Variants in MYO1A observed in about 807,000 individuals in gnomAD.
MYO1A encodes the protein unconventional myosin-Ia.
A neutral mutation model predicts 138.5 loss-of-function variants in MYO1A; 127 were observed. That is an observed-to-expected ratio of 0.92 (90% confidence interval 0.79 to 1.06). MYO1A has a LOEUF of 1.06. Ranked by LOEUF, MYO1A falls within the 50% of genes least tolerant of loss-of-function variation. The pLI, the probability that MYO1A is intolerant of heterozygous loss-of-function variation, is 0.00. For missense variants in MYO1A, 1,211 were observed against 1,288.8 expected (o/e 0.94, Z 0.92); for synonymous variants, 477 against 497.5 (o/e 0.96, Z 0.55).
intron 23 of MYO1A, 148 bp downstream of exon 23, chr12:57,030,892 C>A (rs1161252769): frequency 2.0e-6 from 2 of 1,015,818 alleles, no homozygotes; most frequent in East Asian, 2.6e-5. Flanking sequence ...TACACTTAAA[C>A]ACCGTTAAAA....
upstream of MYO1A, chr12:57,051,033 G>C (rs1205404180): frequency 6.6e-6 from 1 of 152,206 alleles, no homozygotes; most frequent in Admixed American, 6.5e-5. Context: ...TAGATAAGAA[G>C]TACCCCTTCA....
chr12:57,046,458 G>A (rs1335880707), intron 8 of MYO1A, 94 bp downstream of exon 8: 2 of 935,434 alleles, frequency 2.1e-6, no homozygotes, highest in Admixed American at 1.7e-5. Context: ...GGGCTGTAGG[G>A]GCCCAGAGGG....
intron 17 of MYO1A, 41 bp from the exon 18 acceptor site, chr12:57,038,110 C>T: frequency 6.2e-7 from 1 of 1,602,034 alleles, no homozygotes; most frequent in Non-Finnish European, 8.5e-7. Flanking sequence ...CAGGAGCTGA[C>T]ATCATTGCCA....
At position 57,028,651 on chromosome 12, in the gene MYO1A, C is replaced by A. The variant is rs1303915863; in HGVS notation, c.*104G>T. 1 of 1,490,172 alleles carries A rather than the reference C, an allele frequency of 6.7e-7. No individual in the cohort carries two copies. Among genetic ancestry groups the A allele is most frequent in the South Asian group, 1.3e-5 (1 of 79,180 alleles). The allele number at this position is 1,490,172 out of a possible 1,614,324, so 92.3% of individuals were successfully genotyped here. A position where few individuals can be genotyped will look rare whatever the true frequency, so the allele number is the denominator to read the frequency against. On this transcript the variant is annotated 3_prime_UTR_variant, in exon 28 of 28. Transcript: ENST00000300119. The stretch of plus-strand genomic sequence containing the variant: ...AGGGTAGTTTAATCCCCAAGCCATG[C>A]GCCACGATCAGAGGGGTTAGAGATC...
At chr12:57,049,017 C>T (rs1390776762) in intron 1 of MYO1A, among the ~76,000 whole-genome samples, 1 of 152,208 alleles carries the variant, frequency 6.6e-6, no homozygotes, top group Non-Finnish European at 1.5e-5. Flanking sequence ...TTTGCTTCCC[C>T]AACAAACAGG....
At position 57,046,604 on chromosome 12, in the gene MYO1A, C is replaced by A. The variant is rs1276414495; in HGVS notation, c.588G>T (p.Arg196Ser). Reference protein sequence around the residue: ...SRLVKQLKGERNFHIFYQLLA... With the variant: ...SRLVKQLKGESNFHIFYQLLA... ...GCAGCTGATAGAAGATGTGGAAGTT[C>A]CTTTCTCCTTTGAGCTGCTTCACTA... Residue 196 changes from arginine to serine, a missense_variant, in exon 8 of 28, where the codon AGG becomes AGT. Coordinates refer to ENST00000300119, the MANE Select transcript of MYO1A (RefSeq NM_005379.4). 1.9e-6 allele frequency: 3 copies of A among 1,614,078 alleles called. No homozygotes were observed. The highest frequency in any genetic ancestry group is 3.3e-5 in the Admixed American group (2 of 60,018).
At chr12:57,038,220 A>G in intron 17 of MYO1A, 151 bp from the exon 18 acceptor site, 6 of 1,111,384 alleles carry the variant, frequency 5.4e-6, no homozygotes, top group South Asian at 2.6e-5. Flanking sequence ...ACTCACTTCT[A>G]TGTATTCCCT....
At position 57,031,054 on chromosome 12, in the gene MYO1A, A is replaced by C. The variant is rs1419629708; in HGVS notation, c.2470T>G (p.Phe824Val). 6.2e-7 allele frequency: 1 copy of C among 1,614,040 alleles called. No individual in the cohort carries two copies. Among genetic ancestry groups the C allele is most frequent in the Admixed American group, 1.7e-5 (1 of 60,014 alleles). ...GCTCCACTTGCCTTCCACTGGTAGA[A>C]GAGCTGCTGCAGCTCCTGATTTGCT... ...STANQELQQLFYQWKCKRFRD... is the reference protein window; with the variant it reads ...STANQELQQLVYQWKCKRFRD... Residue 824 changes from phenylalanine to valine, a missense_variant, in exon 23 of 28, where the codon TTC becomes GTC. Coordinates refer to ENST00000300119, the MANE Select transcript of MYO1A (RefSeq NM_005379.4).
intron 8 of MYO1A, among the ~76,000 whole-genome samples, chr12:57,044,806 G>A (rs1467138946): frequency 6.6e-6 from 1 of 152,126 alleles, no homozygotes; most frequent in Non-Finnish European, 1.5e-5. Flanking sequence ...CCTACCCTCA[G>A]GGTTCTAAAC....
At chr12:57,040,950 CTT>C (rs2030829061) in intron 14 of MYO1A, among the ~76,000 whole-genome samples, 1 of 152,216 alleles carries the variant, frequency 6.6e-6, no homozygotes, top group Non-Finnish European at 1.5e-5. Context: ...TCACTTCCCT[CTT>C]GTCAGGACTT....
At chr12:57,047,921 G>T (rs2031183963) in intron 3 of MYO1A, 68 bp downstream of exon 3, 1 of 1,580,750 alleles carries the variant, frequency 6.3e-7, no homozygotes, top group Non-Finnish European at 8.6e-7. Flanking sequence ...AAGGGACAAA[G>T]GAAATTAGGA....
rs1156572371 is a variant in MYO1A, at chr12:57,037,917, T to C, written c.1913A>G (p.Tyr638Cys). 1 of 1,614,160 alleles carries C rather than the reference T, an allele frequency of 6.2e-7. No individual in the cohort carries two copies. Residue 638 changes from tyrosine to cysteine, a missense_variant, in exon 18 of 28, where the codon TAC (tyrosine) becomes TGC (cysteine). Transcript: ENST00000300119. ...RQGYGPFLERYRLLSRSTWPH... is the reference protein window; with the variant it reads ...RQGYGPFLERCRLLSRSTWPH... Reference sequence around the variant, plus strand: ...CCAGGTGCTCCGGCTCAGCAATCGGTACCTTTCCAGGAAGGGCCCATAACC... The same window carrying C: ...CCAGGTGCTCCGGCTCAGCAATCGGCACCTTTCCAGGAAGGGCCCATAACC...
At chr12:57,031,390 G>A (rs2136435375) in intron 22 of MYO1A, among the ~76,000 whole-genome samples, 1 of 152,308 alleles carries the variant, frequency 6.6e-6, no homozygotes, top group Non-Finnish European at 1.5e-5. Context: ...ATAGGAGACT[G>A]GAGGGAGAGA....
chr12:57,030,011 G>T, intron 24 of MYO1A, 139 bp from the exon 25 acceptor site: 1 of 1,444,498 alleles, frequency 6.9e-7, no homozygotes, highest in Non-Finnish European at 9.6e-7. Flanking sequence ...CACAGTCCAG[G>T]ACCAAGACAT....
Position 57,043,500 on chromosome 12 carries a change from G to C in MYO1A, c.893-142C>G, listed in dbSNP as rs193189731. ...AGTCATTGCAGCCAACCCAGAACAT[G>C]GCCCTGGAGGAATCTCAGGGAGTTG... On this transcript the variant is annotated intron_variant, in intron 10 of 27. Transcript: ENST00000300119. 1,256 of 818,938 alleles carry C rather than the reference G, an allele frequency of 1.5e-3. 1 individual carries two copies. Among genetic ancestry groups the C allele is most frequent in the Non-Finnish European group, 2.3e-3 (1,101 of 481,728 alleles). 50.7% of individuals were successfully genotyped at this position (818,938 alleles called of 1,614,324 possible).
At chr12:57,038,747 C>T (rs2030711836) in intron 16 of MYO1A, 62 bp downstream of exon 16, 3 of 1,610,300 alleles carry the variant, frequency 1.9e-6, no homozygotes, top group Non-Finnish European at 2.5e-6. Flanking sequence ...CCGGGTTCCT[C>T]CCCCATTGAC....
Position 57,038,826 on chromosome 12 carries a change from A to C in MYO1A, c.1516T>G (p.Cys506Gly), listed in dbSNP as rs1458676559. ...CATTTCACCTTGCCCGCATAGTGGCAGATGCGGAAGCAGCTGAGGCCCATG... is the reference window on the plus strand; with the variant it reads ...CATTTCACCTTGCCCGCATAGTGGCCGATGCGGAAGCAGCTGAGGCCCATG... ...HTMGLSCFRI[C>G]HYAGKVTYNV... Residue 506 changes from cysteine to glycine, a missense_variant, in exon 16 of 28, where the codon TGC becomes GGC. Physicochemically the swap from Cys to Gly is radical, Grantham distance 159. Transcript: ENST00000300119. 1 of 1,614,194 alleles carries C rather than the reference A, an allele frequency of 6.2e-7. No homozygotes were observed. The highest frequency in any genetic ancestry group is 1.3e-5 in the African/African-American group (1 of 75,042).
At position 57,037,948 on chromosome 12, in the gene MYO1A, G is replaced by A. The variant is rs151187460; in HGVS notation, c.1882C>T (p.Arg628Cys). The A allele has an allele frequency of 1.5e-4, 239 of 1,614,158 alleles. 2 individuals carry two copies. The Admixed American group carries it at 3.2e-3, about 22-fold the overall frequency. Residue 628 changes from arginine to cysteine, a missense_variant, in exon 18 of 28, where the codon CGC (arginine) becomes TGC (cysteine). By Grantham distance (180) the Arg-to-Cys change is radical (BLOSUM62 -3). Transcript: ENST00000300119. ...TCCAGGAAGGGCCCATAACCCTGGC[G>A]GTGGGCATAGCCTGCCCGTCGCACC... ...VRVRRAGYAH[R>C]QGYGPFLERY...
In MYO1A at chr12:57,028,657, G is replaced by T; in HGVS notation, c.*98C>A. On this transcript the variant is annotated 3_prime_UTR_variant, in exon 28 of 28. Coordinates refer to ENST00000300119, the MANE Select transcript of MYO1A (RefSeq NM_005379.4). ...GTTTAATCCCCAAGCCATGCGCCAC[G>T]ATCAGAGGGGTTAGAGATCCTCCCA... 2 of 1,523,742 alleles carry T rather than the reference G, an allele frequency of 1.3e-6. No homozygotes were observed. The highest frequency in any genetic ancestry group is 1.2e-5 in the South Asian group (1 of 82,008). The allele number at this position is 1,523,742 out of a possible 1,614,324, so 94.4% of individuals were successfully genotyped here.
Sources: gnomAD v4.1 joint callset for allele counts (sites outside exome capture counted in the v4.1 genomes callset) on GRCh38, gnomAD v4.1.1 for gene constraint, MANE v1.5 for transcripts, NCBI Gene and HGNC (gene_info 2026-07-23, HGNC 2026-07-21) for gene names.